The following DCC variants were observed in gnomAD, a reference collection of about 807,000 sequenced individuals.
The protein encoded by DCC is DCC netrin 1 receptor.
Under a neutral mutation model 172.5 loss-of-function variants are expected in DCC, and 58 were observed. The ratio of observed to expected loss-of-function variants is 0.34; its 90% CI spans 0.27 to 0.42. DCC has a LOEUF of 0.42. DCC is among the 10% of genes least tolerant of loss of function. The probability of loss-of-function intolerance (pLI) is 1.00; values close to 1 mark genes in which losing one functional copy is unlikely to be tolerated. For synonymous variants in DCC, 709 were observed against 644.5 expected (o/e 1.10, Z -1.52); for missense variants, 1,740 against 1,791.0 (o/e 0.97, Z 0.51).
chr18:53,458,312 A>G (rs915943177), intron 23 of DCC, among the ~76,000 whole-genome samples: 1 of 152,260 alleles, frequency 6.6e-6, no homozygotes, highest in Non-Finnish European at 1.5e-5. Flanking sequence ...TTTTTGAGCC[A>G]TATAGTATCT....
At chr18:53,026,059 C>T (rs2041951592) in intron 5 of DCC, among the ~76,000 whole-genome samples, 1 of 151,852 alleles carries the variant, frequency 6.6e-6, no homozygotes, top group South Asian at 2.1e-4. Context: ...GGTGATTGGT[C>T]ATGGGACTCA....
chr18:53,229,287 G>T (rs1364104612), intron 12 of DCC, among the ~76,000 whole-genome samples: 1 of 152,072 alleles, frequency 6.6e-6, no homozygotes, highest in African/African-American at 2.4e-5. Context: ...GAGGGTAATG[G>T]GGTACTGGAG....
At chr18:52,517,977 T>C (rs2031693294) in intron 1 of DCC, among the ~76,000 whole-genome samples, 1 of 152,226 alleles carries the variant, frequency 6.6e-6, no homozygotes, top group Non-Finnish European at 1.5e-5. Context: ...CATTTTTTCC[T>C]TCACTTTTGA....
At chr18:53,195,652 T>C (rs1390947515) in intron 9 of DCC, among the ~76,000 whole-genome samples, 1 of 149,232 alleles carries the variant, frequency 6.7e-6, no homozygotes, top group East Asian at 2.1e-4. Context: ...GAAAGGCTCA[T>C]GTCAAGTATG....
At chr18:52,564,676 G>T (rs968054422) in intron 1 of DCC, among the ~76,000 whole-genome samples, 5 of 139,956 alleles carry the variant, frequency 3.6e-5, no homozygotes, top group Non-Finnish European at 6.2e-5. Flanking sequence ...TTGGGGGGGG[G>T]GGTGTTAAAA....
chr18:53,238,938 G>A lies in DCC; in HGVS notation c.1911+23341G>A, dbSNP rs371736697. 1.5e-4 allele frequency among the ~76,000 whole-genome samples: 23 copies of A among 150,290 alleles called. No homozygotes were observed. The East Asian group carries it at 3.9e-3, about 26-fold the overall frequency. On this transcript the variant is annotated intron_variant, in intron 12 of 28. Coordinates refer to ENST00000442544, the MANE Select transcript of DCC (RefSeq NM_005215.4). Reference sequence around the variant, plus strand: ...CTTCACAAAACTCCAGCAAACTATCGCAAGGACAAAAAACCAAACATCGCA... The same window carrying A: ...CTTCACAAAACTCCAGCAAACTATCACAAGGACAAAAAACCAAACATCGCA...
chr18:53,083,649 C>CA (rs938715264), intron 7 of DCC, among the ~76,000 whole-genome samples: 31 of 151,808 alleles, frequency 2.0e-4, no homozygotes, highest in East Asian at 1.7e-3. Flanking sequence ...CCTACAAATA[C>CA]AAAAAAAATA....
chr18:52,709,908 T>C (rs1336460755), intron 1 of DCC, among the ~76,000 whole-genome samples: 1 of 152,242 alleles, frequency 6.6e-6, no homozygotes. Context: ...GATAGATTTT[T>C]TTAAACTGTT....
rs149935732 is a variant in DCC at position 52,675,019 on chromosome 18, C to A, written c.92-77035C>A. Among the ~76,000 whole-genome samples the A allele has an allele frequency of 4.6e-3, 693 of 152,232 alleles. 8 individuals are homozygous for A. Among genetic ancestry groups the A allele is most frequent in the African/African-American group, 0.016 (650 of 41,554 alleles). On this transcript the variant is annotated intron_variant, in intron 1 of 28. Coordinates refer to ENST00000442544, the MANE Select transcript of DCC (RefSeq NM_005215.4). ...GGTCTCCACAAGCTCTTATCACAACCCAGACATTCCTTTCTGTTGATCCCA... is the reference window on the plus strand; with the variant it reads ...GGTCTCCACAAGCTCTTATCACAACACAGACATTCCTTTCTGTTGATCCCA...
chr18:53,068,692 T>C (rs1223435828), intron 7 of DCC, among the ~76,000 whole-genome samples: 1 of 151,868 alleles, frequency 6.6e-6, no homozygotes, highest in African/African-American at 2.4e-5. Flanking sequence ...AGTGCTAGAA[T>C]TCATAGGATG....
Position 52,597,570 on chromosome 18 carries a change from G to A in DCC, c.92-154484G>A, listed in dbSNP as rs955953410. ...CCAAAACTGGTCTAGAATTTAAGGC[G>A]AAGGCAAGGAATTATTAGAGACCAA... On this transcript the variant is annotated intron_variant, in intron 1 of 28. Transcript: ENST00000442544. Among the ~76,000 whole-genome samples the A allele has an allele frequency of 2.0e-5, 3 of 152,168 alleles. 1 individual carries two copies. The highest frequency in any genetic ancestry group is 2.0e-4 in the Admixed American group (3 of 15,266).
At chr18:52,689,814 G>A (rs960653633) in intron 1 of DCC, among the ~76,000 whole-genome samples, 23 of 152,096 alleles carry the variant, frequency 1.5e-4, no homozygotes, top group African/African-American at 5.3e-4. Context: ...TAATAATGGA[G>A]GTGAGGAGAT....
chr18:52,602,292 T>C (rs1464905593), intron 1 of DCC, among the ~76,000 whole-genome samples: 1 of 152,054 alleles, frequency 6.6e-6, no homozygotes, highest in African/African-American at 2.4e-5. Flanking sequence ...TTCTCGTAAA[T>C]ATGTATTTTT....
intron 1 of DCC, among the ~76,000 whole-genome samples, chr18:52,371,162 A>G (rs1002130406): frequency 1.9e-4 from 29 of 152,362 alleles, no homozygotes; most frequent in African/African-American, 3.8e-4. Context: ...GATTTAAAAA[A>G]AAAAATCATA....
intron 1 of DCC, among the ~76,000 whole-genome samples, chr18:52,444,598 T>G (rs761176983): frequency 7.2e-5 from 11 of 152,240 alleles, no homozygotes; most frequent in Non-Finnish European, 1.3e-4. Flanking sequence ...GAATATGGAA[T>G]AGCTGACTTT....
At chr18:53,226,495 G>T (rs2056029907) in intron 12 of DCC, among the ~76,000 whole-genome samples, 2 of 152,242 alleles carry the variant, frequency 1.3e-5, no homozygotes, top group Non-Finnish European at 2.9e-5. Flanking sequence ...GGGACAGCAG[G>T]TTTTTAAGAG....
At position 52,986,034 on chromosome 18, in the gene DCC, T is replaced by C. The variant is rs560802903; in HGVS notation, c.985+60664T>C. ...GCCTTTGTTATTTTCTCAAGGTTTT[T>C]AGTAATCATTGATAGTTCATTCATA... is the stretch of plus-strand genomic sequence containing the variant. On this transcript the variant is annotated intron_variant, in intron 5 of 28. Coordinates refer to ENST00000442544, the MANE Select transcript of DCC (RefSeq NM_005215.4). Among the ~76,000 whole-genome samples the C allele has an allele frequency of 1.8e-4, 28 of 152,286 alleles. No individual in the cohort carries two copies. The South Asian group carries it at 5.8e-3, about 32-fold the overall frequency.
intron 5 of DCC, among the ~76,000 whole-genome samples, chr18:52,954,013 A>T (rs943114985): frequency 4.6e-5 from 7 of 152,232 alleles, no homozygotes; most frequent in Non-Finnish European, 7.3e-5. Context: ...ATACTATTAT[A>T]AACTCTGAGC....
chr18:52,940,373 C>G (rs1013156959), intron 5 of DCC, among the ~76,000 whole-genome samples: 1 of 152,088 alleles, frequency 6.6e-6, no homozygotes, highest in Non-Finnish European at 1.5e-5. Flanking sequence ...ATCTTCTTGT[C>G]TCGACCACTT....
Sources: allele counts gnomAD v4.1 joint callset (sites outside exome capture counted in the v4.1 genomes callset), GRCh38; gene constraint gnomAD v4.1.1; transcripts MANE v1.5; gene names NCBI Gene and HGNC (gene_info 2026-07-23, HGNC 2026-07-21).